The following EPPK1 variants were observed in gnomAD, a reference collection of about 807,000 sequenced individuals.
EPPK1 encodes epiplakin.
For synonymous variants in EPPK1, 1,862 were observed against 1,721.2 expected, an observed-to-expected ratio of 1.08 and a Z score of -2.03; for missense variants, 3,823 against 3,673.3, an observed-to-expected ratio of 1.04 and a Z score of -1.05.
rs1554659380 is a variant in EPPK1 at position 143,867,197 on chromosome 8, T to C, written c.6057A>G (p.Pro2019=). The C allele has an allele frequency of 1.2e-6, 2 of 1,612,738 alleles. No individual in the cohort carries two copies. Among genetic ancestry groups the C allele is most frequent in the South Asian group, 2.2e-5 (2 of 91,072 alleles). ...CCAGTGGGAGCCGGTGGTGGTGCTG[T>C]GGGTCGATGACACCCCCCGTGGCCA... is the stretch of plus-strand genomic sequence containing the variant. ...VQVATGGVID[P]QHHHRLPLET... is the part of the protein sequence containing the mutation. The change falls in exon 2 of 2, where the codon CCA becomes CCG. Residue 2019 remains proline, a synonymous_variant. Transcript: ENST00000615648.
Position 143,865,447 on chromosome 8 carries a change from G to A in EPPK1, c.7807C>T (p.Arg2603Ter), listed in dbSNP as rs1184114619. ...GAGCGCCCCGAGTCGCCGTCCCCTC[G>A]CCCGGCTGGCCCTGGCTCCCGCGGG... ...RGPREPGPAG[R>*]GDGDSGRSQR... The change falls in exon 2 of 2, where the codon CGA (arginine) becomes TGA (stop). Residue 2603 changes from arginine to a stop codon, truncating the protein, a stop_gained. Coordinates refer to ENST00000615648, the MANE Select transcript of EPPK1 (RefSeq NM_031308.4). LOFTEE classifies it low-confidence loss of function (END_TRUNC). 26 of 214,156 alleles carry A rather than the reference G, an allele frequency of 1.2e-4. No individual in the cohort carries two copies. The highest frequency in any genetic ancestry group is 6.6e-4 in the Admixed American group (9 of 13,722). The allele number at this position is 214,156 out of a possible 1,614,324, so 13.3% of individuals were successfully genotyped here. A position where few individuals can be genotyped will look rare whatever the true frequency, so the allele number is the denominator to read the frequency against.
At position 143,873,024 on chromosome 8, in the gene EPPK1, G is replaced by T; in HGVS notation, c.230C>A (p.Ala77Asp). The T allele has an allele frequency of 6.4e-7, 1 of 1,571,914 alleles. No individual in the cohort carries two copies. Reference protein sequence around the residue: ...PAGLGQALLEAQAATGGLVDL... With the variant: ...PAGLGQALLEDQAATGGLVDL... ...CACCAGGCCCCCAGTGGCTGCCTGGGCCTCTAGCAGAGCCTGCCCGAGCCC... is the reference window on the plus strand; with the variant it reads ...CACCAGGCCCCCAGTGGCTGCCTGGTCCTCTAGCAGAGCCTGCCCGAGCCC... The change falls in exon 2 of 2, where the codon GCC (alanine) becomes GAC (aspartate). Residue 77 changes from alanine to aspartate, a missense_variant. Transcript: ENST00000615648.
In EPPK1 at chr8:143,872,193, T is replaced by C; in HGVS notation, c.1061A>G (p.Glu354Gly). 6.2e-7 allele frequency: 1 copy of C among 1,601,278 alleles called. No individual in the cohort carries two copies. Among genetic ancestry groups the C allele is most frequent in the South Asian group, 1.1e-5 (1 of 89,440 alleles). ...RAGLVSPELH[E>G]QLLVAEQAVT... The stretch of plus-strand genomic sequence containing the variant: ...GGCCTGCTCGGCCACCAGGAGCTGC[T>C]CATGGAGCTCTGGGCTGACCAGGCC... The change falls in exon 2 of 2, where the codon GAG becomes GGG. Residue 354 changes from glutamate to glycine, a missense_variant. Glu to Gly is a moderately conservative substitution (Grantham distance 98). Transcript: ENST00000615648.
chr8:143,867,696 T>C lies in EPPK1; in HGVS notation c.5558A>G (p.Glu1853Gly), dbSNP rs782736381. The stretch of plus-strand genomic sequence containing the variant: ...GTTGAACAGGTCTGCAGCTGTCACC[T>C]CCCCTCTGATGGCCGCCACTTTGAT... ...QGIKVAAIRG[E>G]VTAADLFNSR... The change falls in exon 2 of 2, where the codon GAG (glutamate) becomes GGG (glycine). Residue 1853 changes from glutamate to glycine, a missense_variant. Coordinates refer to ENST00000615648, the MANE Select transcript of EPPK1 (RefSeq NM_031308.4). 5.1e-5 allele frequency: 83 copies of C among 1,613,448 alleles called. No homozygotes were observed. Among genetic ancestry groups the C allele is most frequent in the Non-Finnish European group, 1.3e-5 (15 of 1,179,860 alleles).
rs781908476 is a variant in EPPK1 at position 143,868,247 on chromosome 8, C to T, written c.5007G>A (p.Lys1669=). 1.5e-5 allele frequency: 25 copies of T among 1,613,140 alleles called. No homozygotes were observed. Among genetic ancestry groups the T allele is most frequent in the Non-Finnish European group, 1.4e-5 (16 of 1,180,054 alleles). ...QQISLFQAMQ[K]DLIVREHGIR... The stretch of plus-strand genomic sequence containing the variant: ...TGCCGTGCTCCCGGACGATGAGGTC[C>T]TTCTGCATGGCCTGGAAGAGGGAGA... Residue 1669 remains lysine, a synonymous_variant, in exon 2 of 2, where the codon AAG becomes AAA. Coordinates refer to ENST00000615648, the MANE Select transcript of EPPK1 (RefSeq NM_031308.4).
In EPPK1 at chr8:143,868,286, A is replaced by T. The variant is rs113548019; in HGVS notation, c.4968T>A (p.Tyr1656Ter). The change falls in exon 2 of 2, where the codon TAT (tyrosine) becomes TAA (stop). Residue 1656 changes from tyrosine to a stop codon, truncating the protein, a stop_gained. Transcript: ENST00000615648. LOFTEE classifies it low-confidence loss of function (END_TRUNC). Reference protein sequence around the residue: ...ERAVTGYTDPYTGQQISLFQA... With the variant: ...ERAVTGYTDP ...GGAAGAGGGAGATCTGCTGCCCGGT[A>T]TAGGGGTCGGTGTAGCCGGTGACGG... 6.2e-7 allele frequency: 1 copy of T among 1,612,736 alleles called. No individual in the cohort carries two copies. The highest frequency in any genetic ancestry group is 8.5e-7 in the Non-Finnish European group (1 of 1,179,820).
rs1819276483 is a variant in EPPK1, at chr8:143,869,813, C to T, written c.3441G>A (p.Leu1147=). The T allele has an allele frequency of 6.3e-7, 1 of 1,599,304 alleles. No individual in the cohort carries two copies. The highest frequency in any genetic ancestry group is 8.5e-7 in the Non-Finnish European group (1 of 1,174,222). ...CCTCGGTGAAGTGGCAGGAGCTGAGCAGGTCCCAGAGGGATGTGCCATCCT... is the reference window on the plus strand; with the variant it reads ...CCTCGGTGAAGTGGCAGGAGCTGAGTAGGTCCCAGAGGGATGTGCCATCCT... ...GAKDGTSLWD[L]LSSCHFTEEQ... is the part of the protein sequence containing the mutation. Residue 1147 remains leucine, a synonymous_variant, in exon 2 of 2, where the codon CTG becomes CTA. Coordinates refer to ENST00000615648, the MANE Select transcript of EPPK1 (RefSeq NM_031308.4).
In EPPK1 at chr8:143,868,756, G is replaced by A; in HGVS notation, c.4498C>T (p.Gln1500Ter). 1 of 1,587,500 alleles carries A rather than the reference G, an allele frequency of 6.3e-7. No individual in the cohort carries two copies. The highest frequency in any genetic ancestry group is 1.3e-5 in the African/African-American group (1 of 74,552). Residue 1500 changes from glutamine to a stop codon, truncating the protein, a stop_gained, in exon 2 of 2, where the codon CAG becomes TAG. Coordinates refer to ENST00000615648, the MANE Select transcript of EPPK1 (RefSeq NM_031308.4). LOFTEE classifies it low-confidence loss of function (END_TRUNC). ...CRSGRAAALRQVVSAVTTLVE... is the reference protein window; with the variant it reads ...CRSGRAAALR ...AGGGTGGTGACTGCGCTGACCACCTGCCGCAGGGCCGCAGCCCTCCCAGAC... is the reference window on the plus strand; with the variant it reads ...AGGGTGGTGACTGCGCTGACCACCTACCGCAGGGCCGCAGCCCTCCCAGAC...
chr8:143,875,652 C>T (rs1819463534), intron 1 of EPPK1, among the ~76,000 whole-genome samples: 1 of 152,284 alleles, frequency 6.6e-6, no homozygotes, highest in Non-Finnish European at 1.5e-5. Context: ...GTCTGGCCAG[C>T]TGGCCGGTGC....
At position 143,867,453 on chromosome 8, in the gene EPPK1, T is replaced by C. The variant is rs1819169051; in HGVS notation, c.5801A>G (p.Gln1934Arg). ...AAFATWLLEA[Q>R]AATGFLLDPC... ...GTCCAGGAGGAACCCGGTGGCGGCC[T>C]GCGCCTCCAGCAGCCAAGTCGCAAA... Residue 1934 changes from glutamine to arginine, a missense_variant, in exon 2 of 2, where the codon CAG becomes CGG. Gln to Arg is a conservative substitution (Grantham distance 43). Coordinates refer to ENST00000615648, the MANE Select transcript of EPPK1 (RefSeq NM_031308.4). 1 of 1,612,506 alleles carries C rather than the reference T, an allele frequency of 6.2e-7. No homozygotes were observed. Among genetic ancestry groups the C allele is most frequent in the Admixed American group, 1.7e-5 (1 of 59,990 alleles).
At position 143,866,932 on chromosome 8, in the gene EPPK1, C is replaced by A; in HGVS notation, c.6322G>T (p.Val2108Leu). Residue 2108 changes from valine to leucine, a missense_variant, in exon 2 of 2, where the codon GTG becomes TTG. Coordinates refer to ENST00000615648, the MANE Select transcript of EPPK1 (RefSeq NM_031308.4). ...CTGAACCTTCCCACTGTGATTTCCACTTGCTCTGCCTCCAGGGCCCTTCTC... is the reference window on the plus strand; with the variant it reads ...CTGAACCTTCCCACTGTGATTTCCAATTGCTCTGCCTCCAGGGCCCTTCTC... ...ETRRALEAEQ[V>L]EITVGRFRGQ... The A allele has an allele frequency of 6.2e-7, 1 of 1,612,990 alleles. No homozygotes were observed. The highest frequency in any genetic ancestry group is 8.5e-7 in the Non-Finnish European group (1 of 1,179,882).
rs1818923284 is a variant in EPPK1, at chr8:143,857,831, C to T, written c.*156G>A. 2 of 583,678 alleles carry T rather than the reference C, an allele frequency of 3.4e-6. No individual in the cohort carries two copies. The highest frequency in any genetic ancestry group is 5.4e-6 in the Non-Finnish European group (2 of 368,080). 36.2% of individuals were successfully genotyped at this position (583,678 alleles called of 1,614,324 possible). On this transcript the variant is annotated 3_prime_UTR_variant, in exon 2 of 2. Transcript: ENST00000615648. The stretch of plus-strand genomic sequence containing the variant: ...CGATGGACAAAGGAAAAGTTTCTGT[C>T]ACATGACAACTTAAAACGTTTTCCA...
rs373294651 is a variant in EPPK1 at position 143,870,034 on chromosome 8, C to G, written c.3220G>C (p.Glu1074Gln). Residue 1074 changes from glutamate (E) to glutamine (Q), a missense_variant, in exon 2 of 2, where the codon GAG (glutamate) becomes CAG (glutamine). Glu to Gln is a conservative substitution (Grantham distance 29, BLOSUM62 2). Coordinates refer to ENST00000615648, the MANE Select transcript of EPPK1 (RefSeq NM_031308.4). This position sits in a 1 kb window ranked among gnomAD's most constrained non-coding sequence, Gnocchi z 5.2. ...IQRGYVDQEM[E>Q]TALSSSSETF... is the part of the protein sequence containing the mutation. ...TCGGAGGAGCTGGACAAGGCTGTCTCCATCTCCTGGTCAACATAGCCACGC... is the reference window on the plus strand; with the variant it reads ...TCGGAGGAGCTGGACAAGGCTGTCTGCATCTCCTGGTCAACATAGCCACGC... 2 of 1,610,938 alleles carry G rather than the reference C, an allele frequency of 1.2e-6. No homozygotes were observed. Among genetic ancestry groups the G allele is most frequent in the Admixed American group, 1.7e-5 (1 of 59,740 alleles).
chr8:143,871,568 C>T lies in EPPK1; in HGVS notation c.1686G>A (p.Gly562=). 1 of 1,607,462 alleles carries T rather than the reference C, an allele frequency of 6.2e-7. No homozygotes were observed. The highest frequency in any genetic ancestry group is 8.5e-7 in the Non-Finnish European group (1 of 1,178,796). Residue 562 remains glycine (G), a synonymous_variant, in exon 2 of 2, where the codon GGG becomes GGA. Transcript: ENST00000615648. ...CTCCTGGTGTCACGGTGTCCCTCAG[C>T]CCAGAAAAGGTGACCCTGGCAGTGG... ...AAATARVTFS[G]LRDTVTPGEL...
At position 143,872,095 on chromosome 8, in the gene EPPK1, C is replaced by T. The variant is rs1255606615; in HGVS notation, c.1159G>A (p.Asp387Asn). The change falls in exon 2 of 2, where the codon GAC (aspartate) becomes AAC (asparagine). Residue 387 changes from aspartate to asparagine, a missense_variant. Coordinates refer to ENST00000615648, the MANE Select transcript of EPPK1 (RefSeq NM_031308.4). Reference protein sequence around the residue: ...LFQAMKKGLVDRPLALRLLDA... With the variant: ...LFQAMKKGLVNRPLALRLLDA... ...AAGAGCCGCAGTGCCAGTGGCCTGT[C>T]CACTAGCCCCTTCTTCATGGCCTGG... 4 of 1,559,002 alleles carry T rather than the reference C, an allele frequency of 2.6e-6. No homozygotes were observed. The highest frequency in any genetic ancestry group is 1.2e-5 in the South Asian group (1 of 85,492).
At chr8:143,878,626 G>A (rs1554662742), upstream of EPPK1, among the ~76,000 whole-genome samples, 1 of 151,676 alleles carries the variant, frequency 6.6e-6, no homozygotes, top group East Asian at 1.9e-4. Context: ...GGCAAGGGGC[G>A]GCGGCTGGGC....
At position 143,863,757 on chromosome 8, in the gene EPPK1, CGGCG is replaced by C. The variant is rs1221343809; in HGVS notation, c.9493_9496del (p.Arg3165AlafsTer34). On this transcript the variant is annotated frameshift_variant, in exon 2 of 2. Transcript: ENST00000615648. LOFTEE classifies it low-confidence loss of function (END_TRUNC). ...GGCATCACGCAGGGTCTGCTCCTGG[CGGCG>C]GGCGGCGGCGGCGGCCTCCTGGGTC... 4 of 272,788 alleles carry C rather than the reference CGGCG, an allele frequency of 1.5e-5. 1 individual carries two copies. Among genetic ancestry groups the C allele is most frequent in the African/African-American group, 2.4e-5 (1 of 41,900 alleles). 16.9% of individuals were successfully genotyped at this position (272,788 alleles called of 1,614,324 possible).
Position 143,869,658 on chromosome 8 carries a change from G to C in EPPK1, c.3596C>G (p.Pro1199Arg), listed in dbSNP as rs1415471546. 1.3e-6 allele frequency: 2 copies of C among 1,594,632 alleles called. No individual in the cohort carries two copies. The highest frequency in any genetic ancestry group is 1.7e-6 in the Non-Finnish European group (2 of 1,171,426). ...CCAGACAGCGGGTACCTCACCCCGT[G>C]GGCCGGGCACCATGACGCGGGCCTG... The part of the protein sequence containing the change: ...LAQARVMVPG[P>R]RGEVPAVWLL... Residue 1199 changes from proline to arginine, a missense_variant, in exon 2 of 2, where the codon CCA becomes CGA. Coordinates refer to ENST00000615648, the MANE Select transcript of EPPK1 (RefSeq NM_031308.4).
rs781852484 is a variant in EPPK1, at chr8:143,872,225, G to C, written c.1029C>G (p.Val343=). The C allele has an allele frequency of 6.2e-7, 1 of 1,609,484 alleles. No homozygotes were observed. The highest frequency in any genetic ancestry group is 8.5e-7 in the Non-Finnish European group (1 of 1,178,436). ...TGQRLWVDEA[V]RAGLVSPELH... is the part of the protein sequence containing the mutation. ...GCTCTGGGCTGACCAGGCCCGCCCT[G>C]ACTGCCTCGTCTACCCACAGCCGCT... Residue 343 remains valine (V), a synonymous_variant, in exon 2 of 2, where the codon GTC becomes GTG. Transcript: ENST00000615648.
Sources: allele counts gnomAD v4.1 joint callset (sites outside exome capture counted in the v4.1 genomes callset), GRCh38; gene constraint gnomAD v4.1.1; non-coding constraint Gnocchi (gnomAD v3.1); transcripts MANE v1.5; gene names NCBI Gene and HGNC (gene_info 2026-07-23, HGNC 2026-07-21).